The following GMDS variants were observed in gnomAD, a reference collection of about 807,000 sequenced individuals.
The protein encoded by GMDS is GDP-mannose 4,6-dehydratase.
In GMDS, 20 loss-of-function variants were observed where a neutral mutation model predicts 49.9. The ratio of observed to expected loss-of-function variants is 0.40; its 90% CI spans 0.28 to 0.58. GMDS has a LOEUF of 0.58. GMDS is among the 20% of genes least tolerant of loss of function. The pLI, the probability that GMDS is intolerant of heterozygous loss-of-function variation, is 0.42. For synonymous variants in GMDS, 177 were observed against 178.6 expected, an observed-to-expected ratio of 0.99 and a Z score of 0.07; for missense variants, 362 against 481.4, an observed-to-expected ratio of 0.75 and a Z score of 2.32.
intron 6 of GMDS, among the ~76,000 whole-genome samples, chr6:1,957,837 A>T (rs753382193): frequency 2.6e-5 from 4 of 152,160 alleles, no homozygotes; most frequent in Non-Finnish European, 5.9e-5. Flanking sequence ...GGGTCTCACT[A>T]TGTTGCCCAG....
intron 7 of GMDS, among the ~76,000 whole-genome samples, chr6:1,811,555 CTT>C (rs67339222): frequency 1.1e-4 from 13 of 119,038 alleles, no homozygotes; most frequent in Non-Finnish European, 1.5e-4. Context: ...ACTAGTCAAG[CTT>C]TTTTTTTTTT....
At chr6:1,755,573 C>A (rs910835559) in intron 7 of GMDS, among the ~76,000 whole-genome samples, 10 of 152,174 alleles carry the variant, frequency 6.6e-5, no homozygotes, top group African/African-American at 2.4e-4. Context: ...CCAAGACAAT[C>A]GTCAGCAAAA....
intron 7 of GMDS, among the ~76,000 whole-genome samples, chr6:1,790,240 A>C (rs1439779772): frequency 6.6e-6 from 1 of 152,190 alleles, no homozygotes; most frequent in African/African-American, 2.4e-5. Context: ...CTTATTAGAC[A>C]AGCCCCTCTT....
At chr6:2,005,499 T>C (rs1341022195) in intron 4 of GMDS, among the ~76,000 whole-genome samples, 3 of 152,182 alleles carry the variant, frequency 2.0e-5, no homozygotes, top group African/African-American at 7.2e-5. Flanking sequence ...AAATCTACTT[T>C]AACAGTTTTC....
At chr6:1,725,495 G>A (rs766441410) in intron 9 of GMDS, among the ~76,000 whole-genome samples, 2 of 151,816 alleles carry the variant, frequency 1.3e-5, no homozygotes, top group Admixed American at 6.6e-5. Flanking sequence ...GCAATGGCGC[G>A]CGATCTCGGC....
intron 8 of GMDS, among the ~76,000 whole-genome samples, chr6:1,734,040 T>TAATCA (rs1766923005): frequency 6.6e-6 from 1 of 152,138 alleles, no homozygotes; most frequent in African/African-American, 2.4e-5. Flanking sequence ...AGCACTGCTT[T>TAATCA]AATCACAGAG....
Position 2,147,837 on chromosome 6 carries a change from C to T in GMDS, c.103-23106G>A, listed in dbSNP as rs144973311. 5.8e-3 allele frequency among the ~76,000 whole-genome samples: 847 copies of T among 146,938 alleles called. 2 individuals carry two copies. The highest frequency in any genetic ancestry group is 0.017 in the Middle Eastern group (5 of 288). ...TACATGCTTTAAATTTAGAGCAAGT[C>T]CCCTGAGCATACTAGATAATTCCAC... On this transcript the variant is annotated intron_variant, in intron 1 of 10. Coordinates refer to ENST00000380815, the MANE Select transcript of GMDS (RefSeq NM_001500.4).
chr6:1,702,573 G>C (rs1202682046), intron 9 of GMDS, among the ~76,000 whole-genome samples: 5 of 152,216 alleles, frequency 3.3e-5, no homozygotes, highest in African/African-American at 1.2e-4. Flanking sequence ...AGATAACAGA[G>C]AGCCTTGGAG....
chr6:1,663,327 G>C (rs900515054), intron 9 of GMDS, among the ~76,000 whole-genome samples: 2 of 152,150 alleles, frequency 1.3e-5, no homozygotes, highest in Non-Finnish European at 2.9e-5. Context: ...TAGGAGCCCA[G>C]CTCAGTCTGA....
At chr6:2,234,609 CAAAAAAAAT>C (rs1554101278) in intron 1 of GMDS, among the ~76,000 whole-genome samples, 1 of 150,514 alleles carries the variant, frequency 6.6e-6, no homozygotes, top group African/African-American at 2.4e-5. Context: ...AACTCCGTAT[CAAAAAAAAT>C]AAAAAAAATA....
intron 6 of GMDS, among the ~76,000 whole-genome samples, chr6:1,938,845 T>C (rs945897193): frequency 8.5e-5 from 13 of 152,106 alleles, no homozygotes; most frequent in African/African-American, 2.9e-4. Flanking sequence ...TTTGCTCTTA[T>C]CTGTAATAGT....
chr6:2,043,179 C>T lies in GMDS; in HGVS notation c.345+72592G>A, dbSNP rs80275413. Among the ~76,000 whole-genome samples, 1,283 of 152,316 alleles carry T rather than the reference C, an allele frequency of 8.4e-3. 21 individuals are homozygous for T. The highest frequency in any genetic ancestry group is 0.029 in the African/African-American group (1,219 of 41,566). ...TGGTTTGCCCACAGTGACAGCTGTC[C>T]TCTGCAGCTAGCTTACATGGCTTCA... On this transcript the variant is annotated intron_variant, in intron 4 of 10. Transcript: ENST00000380815.
chr6:1,975,412 A>C (rs1287525628), intron 4 of GMDS, among the ~76,000 whole-genome samples: 1 of 152,186 alleles, frequency 6.6e-6, no homozygotes, highest in East Asian at 1.9e-4. Context: ...CCAGTCACCA[A>C]CAGCAGACTC....
chr6:1,796,008 A>G (rs1198729027), intron 7 of GMDS, among the ~76,000 whole-genome samples: 3 of 152,248 alleles, frequency 2.0e-5, no homozygotes, highest in South Asian at 2.1e-4. Context: ...GGATGCCTGT[A>G]TCGGAAGAGA....
intron 1 of GMDS, among the ~76,000 whole-genome samples, chr6:2,203,972 C>G (rs959600517): frequency 1.3e-5 from 2 of 152,216 alleles, no homozygotes; most frequent in Non-Finnish European, 2.9e-5. Flanking sequence ...TCCCTTGAAG[C>G]TAAGCAGAGG....
At chr6:2,111,241 A>G (rs1455920639) in intron 4 of GMDS, among the ~76,000 whole-genome samples, 1 of 152,206 alleles carries the variant, frequency 6.6e-6, no homozygotes, top group Non-Finnish European at 1.5e-5. Flanking sequence ...CAGTTTCCTA[A>G]AACATTTTCT....
At chr6:1,668,430 C>T (rs2113271837) in intron 9 of GMDS, among the ~76,000 whole-genome samples, 1 of 152,268 alleles carries the variant, frequency 6.6e-6, no homozygotes, top group East Asian at 1.9e-4. Context: ...ACACTGGGGG[C>T]CAGGCGCAAT....
intron 9 of GMDS, among the ~76,000 whole-genome samples, chr6:1,641,196 A>G (rs1415724065): frequency 6.6e-6 from 1 of 152,200 alleles, no homozygotes; most frequent in East Asian, 1.9e-4. Flanking sequence ...ACATGCTGTC[A>G]TTCAGGGGCT....
chr6:1,949,027 C>T (rs1763216431), intron 6 of GMDS: 1 of 959,362 alleles, frequency 1.0e-6, no homozygotes, highest in Non-Finnish European at 1.2e-6. Context: ...AGCAATCCCA[C>T]TAACAGAGCT....
Sources: allele counts gnomAD v4.1 joint callset (sites outside exome capture counted in the v4.1 genomes callset), GRCh38; gene constraint gnomAD v4.1.1; transcripts MANE v1.5; gene names NCBI Gene and HGNC (gene_info 2026-07-23, HGNC 2026-07-21).